AFG2A: variants seen among roughly 807,000 people sequenced by gnomAD.
AFG2A encodes the protein ATPase family gene 2 protein homolog A.
At chr4:123,223,968 C>T in the AFG2A span, among the ~76,000 whole-genome samples, 1 of 152,116 alleles carries the variant, frequency 6.6e-6, no homozygotes, top group African/African-American at 2.4e-5. Context: ...TGTGCTTTTA[C>T]TGTCATATTC....
At chr4:123,231,250 C>T in the AFG2A span, among the ~76,000 whole-genome samples, 2 of 151,976 alleles carry the variant, frequency 1.3e-5, no homozygotes, top group African/African-American at 4.8e-5. Context: ...GGCCACCTTC[C>T]TCAATTACCT....
chr4:122,966,823 G>C, the AFG2A span, among the ~76,000 whole-genome samples: 1 of 152,144 alleles, frequency 6.6e-6, no homozygotes, highest in Non-Finnish European at 1.5e-5. Context: ...AGCTGTGAGA[G>C]ATTGATTTGC....
chr4:123,147,201 T>A, the AFG2A span, among the ~76,000 whole-genome samples: 1 of 152,190 alleles, frequency 6.6e-6, no homozygotes, highest in Non-Finnish European at 1.5e-5. Flanking sequence ...TGGTTGTGCA[T>A]GGTATACATA....
At chr4:123,268,032 A>T in the AFG2A span, among the ~76,000 whole-genome samples, 1 of 152,086 alleles carries the variant, frequency 6.6e-6, no homozygotes, top group African/African-American at 2.4e-5. Context: ...TATGTTAGAC[A>T]ATCAATATAT....
At chr4:123,003,572 C>T in the AFG2A span, among the ~76,000 whole-genome samples, 39 of 152,162 alleles carry the variant, frequency 2.6e-4, no homozygotes, top group Non-Finnish European at 5.9e-5. Flanking sequence ...GAAGTCCACT[C>T]CAGACCCTGT....
At chr4:123,309,041 A>G in the AFG2A span, among the ~76,000 whole-genome samples, 1 of 152,092 alleles carries the variant, frequency 6.6e-6, no homozygotes, top group Admixed American at 6.6e-5. Flanking sequence ...GGGAGAGCAA[A>G]AGTAAAAAGC....
At chr4:123,199,510 C>T in the AFG2A span, among the ~76,000 whole-genome samples, 1 of 111,122 alleles carries the variant, frequency 9.0e-6, no homozygotes, top group Non-Finnish European at 1.7e-5. Context: ...CTTGCTCTGT[C>T]GCCCAGGCTG....
At chr4:123,310,902 G>C in the AFG2A span, among the ~76,000 whole-genome samples, 12 of 152,212 alleles carry the variant, frequency 7.9e-5, no homozygotes, top group Non-Finnish European at 1.3e-4. Context: ...ATTGAAGCAA[G>C]TGTTGAATTC....
At chr4:123,252,516 T>A in the AFG2A span, among the ~76,000 whole-genome samples, 14 of 152,200 alleles carry the variant, frequency 9.2e-5, no homozygotes, top group Non-Finnish European at 7.3e-5. Context: ...AAGAAGATAA[T>A]CTTTCCAGAT....
chr4:122,996,623 AG>A, the AFG2A span, among the ~76,000 whole-genome samples: 3 of 150,420 alleles, frequency 2.0e-5, no homozygotes, highest in African/African-American at 2.4e-5. Context: ...ATAGATAGAT[AG>A]GAGAGGAGAT....
At chr4:123,283,793 G>T in the AFG2A span, among the ~76,000 whole-genome samples, 1 of 152,290 alleles carries the variant, frequency 6.6e-6, no homozygotes, top group Admixed American at 6.5e-5. Flanking sequence ...GCCCATGGCT[G>T]CTTCCACACT....
chr4:123,161,971 G>A, the AFG2A span, among the ~76,000 whole-genome samples: 3 of 152,092 alleles, frequency 2.0e-5, no homozygotes, highest in Admixed American at 6.6e-5. Flanking sequence ...AGGATTTGAC[G>A]GGGAGGGAGG....
the AFG2A span, among the ~76,000 whole-genome samples, chr4:123,264,652 G>T: frequency 4.6e-5 from 7 of 152,098 alleles, no homozygotes; most frequent in African/African-American, 1.4e-4. Context: ...AGCTAGTCCT[G>T]TACCACTCCC....
the AFG2A span, among the ~76,000 whole-genome samples, chr4:122,941,392 G>T: frequency 6.6e-6 from 1 of 151,930 alleles, no homozygotes; most frequent in African/African-American, 2.4e-5. Flanking sequence ...TCTCTTTGAA[G>T]CAATTGTGAA....
At chr4:123,198,588 A>G in the AFG2A span, among the ~76,000 whole-genome samples, 63 of 152,312 alleles carry the variant, frequency 4.1e-4, no homozygotes, top group Admixed American at 2.4e-3. Flanking sequence ...GACTTAACAC[A>G]GTCCTAAAAA....
the AFG2A span, among the ~76,000 whole-genome samples, chr4:123,065,020 C>T: frequency 9.2e-5 from 14 of 152,176 alleles, no homozygotes; most frequent in Non-Finnish European, 5.9e-5. Context: ...TCACTAATAA[C>T]AGAGCTTGTA....
At chr4:122,985,101 T>C in the AFG2A span, among the ~76,000 whole-genome samples, 1 of 152,096 alleles carries the variant, frequency 6.6e-6, no homozygotes, top group Non-Finnish European at 1.5e-5. Flanking sequence ...CTTGGACTTC[T>C]TTTTGTTGGA....
chr4:122,923,105 C>A, the AFG2A span: 5 of 1,611,134 alleles, frequency 3.1e-6, no homozygotes, highest in South Asian at 1.1e-5. Flanking sequence ...CACATTGAGT[C>A]GGCTTTTCTA....
chr4:123,282,772 TAAAA>T, the AFG2A span, among the ~76,000 whole-genome samples: 5 of 143,578 alleles, frequency 3.5e-5, no homozygotes, highest in Admixed American at 6.9e-5. Flanking sequence ...TATTTAAAAT[TAAAA>T]AAAAAAAAAA....
Sources: allele counts gnomAD v4.1 joint callset (sites outside exome capture counted in the v4.1 genomes callset), GRCh38; gene constraint gnomAD v4.1.1; transcripts MANE v1.5; gene names NCBI Gene and HGNC (gene_info 2026-07-23, HGNC 2026-07-21).